STK39: variants seen among roughly 807,000 people sequenced by gnomAD.
The protein encoded by STK39 is STE20/SPS1-related proline-alanine-rich protein kinase.
STK39 carries 20 observed loss-of-function variants against 77.8 expected under a neutral mutation model. The ratio of observed to expected loss-of-function variants is 0.26; its 90% confidence interval spans 0.18 to 0.37. The LOEUF is 0.37. Among genes scored for constraint, STK39 ranks in the 10% least tolerant of loss-of-function variants. STK39 has a pLI of 1.00. For synonymous variants in STK39, 246 were observed against 234.1 expected (o/e 1.05, Z -0.47); for missense variants, 479 against 656.5 (o/e 0.73, Z 2.95).
At chr2:167,990,146 A>G (rs536926745) in intron 16 of STK39, among the ~76,000 whole-genome samples, 1 of 152,326 alleles carries the variant, frequency 6.6e-6, no homozygotes, top group South Asian at 2.1e-4. Context: ...AGATTTTTTC[A>G]CGAATCCACA....
intron 16 of STK39, among the ~76,000 whole-genome samples, chr2:167,980,902 T>G (rs1168379893): frequency 1.3e-5 from 2 of 151,670 alleles, no homozygotes; most frequent in African/African-American, 4.9e-5. Flanking sequence ...TTTTTTAATG[T>G]GTAGTAATTT....
Position 168,073,739 on chromosome 2 carries a change from G to A in STK39, c.1242+1243C>T, listed in dbSNP as rs547090510. On this transcript the variant is annotated intron_variant, in intron 12 of 17. Coordinates refer to ENST00000355999, the MANE Select transcript of STK39 (RefSeq NM_013233.3). ...CACTTCCCGGGTTCGAGCAATTCTC[G>A]TGCCTCAGCCTCCCGAGTACAGATG... Among the ~76,000 whole-genome samples, 17 of 152,098 alleles carry A rather than the reference G, an allele frequency of 1.1e-4. 1 individual carries two copies. Among genetic ancestry groups the A allele is most frequent in the African/African-American group, 2.7e-4 (11 of 41,490 alleles).
intron 10 of STK39, among the ~76,000 whole-genome samples, chr2:168,102,599 C>T (rs1005858616): frequency 6.6e-6 from 1 of 152,160 alleles, no homozygotes; most frequent in Non-Finnish European, 1.5e-5. Context: ...ATTCTTCCAG[C>T]TATGACATTC....
At position 168,138,099 on chromosome 2, in the gene STK39, A is replaced by T. The variant is rs776354325; in HGVS notation, c.963T>A (p.Asp321Glu). The change falls in exon 8 of 18, where the codon GAT becomes GAA. Residue 321 changes from aspartate (D) to glutamate (E), a missense_variant. Physicochemically the swap from Asp to Glu is conservative, Grantham distance 45. This residue lies in a region of STK39 where 244 missense variants were observed against 296.8 expected (regional missense o/e 0.82). Transcript: ENST00000355999. Reference protein sequence around the residue: ...RKLLSLCLQKDPSKRPTAAEL... With the variant: ...RKLLSLCLQKEPSKRPTAAEL... Reference sequence around the variant, plus strand: ...TAAGTTTCACTTACCTTTTGGAAGGATCTTTCTGAAGACACAGTGAAAGTA... The same window carrying T: ...TAAGTTTCACTTACCTTTTGGAAGGTTCTTTCTGAAGACACAGTGAAAGTA... 22 of 1,613,618 alleles carry T rather than the reference A, an allele frequency of 1.4e-5. No individual in the cohort carries two copies. Among genetic ancestry groups the T allele is most frequent in the Non-Finnish European group, 5.1e-6 (6 of 1,179,780 alleles).
At chr2:168,190,948 T>C (rs1027885996) in intron 1 of STK39, among the ~76,000 whole-genome samples, 11 of 152,182 alleles carry the variant, frequency 7.2e-5, no homozygotes, top group African/African-American at 2.7e-4. Flanking sequence ...AAATGTCTAT[T>C]GCTATTCACA....
chr2:168,235,163 G>A (rs1032047894), intron 1 of STK39, among the ~76,000 whole-genome samples: 17 of 151,808 alleles, frequency 1.1e-4, no homozygotes, highest in Admixed American at 9.2e-4. Context: ...TCAGCCTCCC[G>A]AGTAGCTGGG....
chr2:168,243,003 AT>A (rs928349589), intron 1 of STK39, among the ~76,000 whole-genome samples: 10 of 152,186 alleles, frequency 6.6e-5, no homozygotes, highest in Non-Finnish European at 1.3e-4. Context: ...GAGACAAAGC[AT>A]TTCAGACATC....
intron 14 of STK39, among the ~76,000 whole-genome samples, chr2:168,049,230 G>A (rs879753188): frequency 2.4e-4 from 36 of 152,182 alleles, no homozygotes; most frequent in Admixed American, 2.4e-3. Context: ...CTAACATCCA[G>A]AACACACGGC....
chr2:168,157,435 G>T (rs1251701944), intron 5 of STK39, among the ~76,000 whole-genome samples: 2 of 152,108 alleles, frequency 1.3e-5, no homozygotes, highest in Non-Finnish European at 2.9e-5. Context: ...TTTGTGTATT[G>T]GGCCTACTAT....
At chr2:168,074,696 G>T (rs1686029949) in intron 12 of STK39, among the ~76,000 whole-genome samples, 1 of 152,152 alleles carries the variant, frequency 6.6e-6, no homozygotes, top group South Asian at 2.1e-4. Flanking sequence ...TTCCGTGGAG[G>T]GTTTTGTGTA....
At chr2:168,195,121 A>G (rs1689435982) in intron 1 of STK39, among the ~76,000 whole-genome samples, 1 of 152,226 alleles carries the variant, frequency 6.6e-6, no homozygotes, top group East Asian at 1.9e-4. Context: ...AAATGATAGG[A>G]AGTATTCACT....
At chr2:168,186,702 C>T (rs967860642) in intron 1 of STK39, among the ~76,000 whole-genome samples, 4 of 152,134 alleles carry the variant, frequency 2.6e-5, no homozygotes, top group South Asian at 4.1e-4. Context: ...CCCTGGAAAA[C>T]ATCAACTCAA....
intron 1 of STK39, among the ~76,000 whole-genome samples, chr2:168,236,512 A>G (rs1287856374): frequency 6.6e-6 from 1 of 152,182 alleles, no homozygotes; most frequent in East Asian, 1.9e-4. Flanking sequence ...TGTTTTAGAC[A>G]TGAAGTCCTT....
chr2:168,241,422 C>G (rs984494839), intron 1 of STK39, among the ~76,000 whole-genome samples: 1 of 152,208 alleles, frequency 6.6e-6, no homozygotes, highest in Admixed American at 6.5e-5. Context: ...TCCTCTTCAG[C>G]AACCTTCCCG....
At chr2:168,143,708 G>A (rs1688055689) in intron 5 of STK39, among the ~76,000 whole-genome samples, 1 of 138,210 alleles carries the variant, frequency 7.2e-6, no homozygotes, top group Admixed American at 7.0e-5. Flanking sequence ...GCAAGACTTT[G>A]TCTCAAAAAA....
At chr2:168,081,789 T>C (rs1237330425) in intron 10 of STK39, among the ~76,000 whole-genome samples, 1 of 152,194 alleles carries the variant, frequency 6.6e-6, no homozygotes, top group Admixed American at 6.5e-5. Flanking sequence ...TTTCCTACAC[T>C]GTCCTCATGA....
chr2:168,027,294 T>A (rs1684722788), intron 14 of STK39, among the ~76,000 whole-genome samples: 1 of 152,080 alleles, frequency 6.6e-6, no homozygotes. Flanking sequence ...CCACATACTT[T>A]CCCCTCCCCT....
chr2:168,227,858 C>T (rs972488137), intron 1 of STK39, among the ~76,000 whole-genome samples: 10 of 143,440 alleles, frequency 7.0e-5, no homozygotes, highest in African/African-American at 2.2e-4. Flanking sequence ...GGGGTTTCAC[C>T]GTGTTAGCCA....
intron 12 of STK39, among the ~76,000 whole-genome samples, chr2:168,066,352 T>C (rs982043300): frequency 6.6e-6 from 1 of 152,240 alleles, no homozygotes. Context: ...ACCTAGATTA[T>C]AGGTATACGG....
Sources: allele counts gnomAD v4.1 joint callset (sites outside exome capture counted in the v4.1 genomes callset), GRCh38; gene constraint gnomAD v4.1.1; regional missense constraint gnomAD v4.1.1; transcripts MANE v1.5; gene names NCBI Gene and HGNC (gene_info 2026-07-23, HGNC 2026-07-21).